Variants in GOLM2 observed in about 807,000 individuals in gnomAD.
The protein encoded by GOLM2 is protein GOLM2.
In GOLM2, 26 loss-of-function variants were observed where a neutral mutation model predicts 55.9. The ratio of observed to expected loss-of-function variants is 0.47; its 90% CI spans 0.34 to 0.65. GOLM2 has a LOEUF of 0.65. Ranked by LOEUF, GOLM2 falls within the 30% of genes least tolerant of loss-of-function variation. The probability of loss-of-function intolerance (pLI) is 0.01; values close to 1 mark genes in which losing one functional copy is unlikely to be tolerated. For missense variants in GOLM2, 486 were observed against 531.8 expected (o/e 0.91, Z 0.85); for synonymous variants, 165 against 194.6 (o/e 0.85, Z 1.27).
intron 6 of GOLM2, among the ~76,000 whole-genome samples, chr15:44,375,992 T>C (rs1239699377): frequency 6.6e-6 from 1 of 152,040 alleles, no homozygotes; most frequent in East Asian, 1.9e-4. Context: ...ATCCCAGCAC[T>C]TTGGGAGGCC....
chr15:44,407,278 T>A (rs1048522920), intron 9 of GOLM2, among the ~76,000 whole-genome samples: 4 of 148,010 alleles, frequency 2.7e-5, no homozygotes, highest in South Asian at 2.1e-4. Context: ...ATATATATAT[T>A]TTTTGGAGAC....
At chr15:44,361,327 G>C (rs2079236917) in intron 6 of GOLM2, among the ~76,000 whole-genome samples, 1 of 152,080 alleles carries the variant, frequency 6.6e-6, no homozygotes, top group South Asian at 2.1e-4. Flanking sequence ...AAAGAGAGAA[G>C]AATCAAATAG....
At chr15:44,351,350 G>A (rs2079161361) in intron 6 of GOLM2, among the ~76,000 whole-genome samples, 1 of 152,004 alleles carries the variant, frequency 6.6e-6, no homozygotes, top group Non-Finnish European at 1.5e-5. Flanking sequence ...GCCGAGTTGG[G>A]TGGATCACGA....
intron 6 of GOLM2, among the ~76,000 whole-genome samples, chr15:44,344,230 AG>A (rs1250686444): frequency 2.0e-5 from 3 of 151,004 alleles, no homozygotes; most frequent in African/African-American, 2.4e-5. Flanking sequence ...ACTGCACTCC[AG>A]CCTGGTGTCA....
intron 9 of GOLM2, among the ~76,000 whole-genome samples, chr15:44,408,499 A>G (rs2079612530): frequency 6.6e-6 from 1 of 152,200 alleles, no homozygotes; most frequent in Non-Finnish European, 1.5e-5. Context: ...GACTGCCTTC[A>G]TGTATATTAT....
chr15:44,389,741 G>A (rs1374178593), intron 8 of GOLM2, among the ~76,000 whole-genome samples: 1 of 152,114 alleles, frequency 6.6e-6, no homozygotes, highest in Non-Finnish European at 1.5e-5. Flanking sequence ...TACTGCATTA[G>A]CACGTTCATA....
chr15:44,297,617 A>G (rs866882591), intron 1 of GOLM2, among the ~76,000 whole-genome samples: 13 of 149,928 alleles, frequency 8.7e-5, no homozygotes, highest in Admixed American at 4.0e-4. Flanking sequence ...GCTGGAGTGC[A>G]GTGGTGTGAT....
intron 1 of GOLM2, among the ~76,000 whole-genome samples, chr15:44,304,499 C>G (rs1485548708): frequency 6.6e-6 from 1 of 152,104 alleles, no homozygotes; most frequent in Non-Finnish European, 1.5e-5. Flanking sequence ...TCCTCAGCCT[C>G]CCAAAGTGCT....
intron 6 of GOLM2, among the ~76,000 whole-genome samples, chr15:44,371,574 A>G (rs2079329701): frequency 2.0e-5 from 3 of 152,226 alleles, no homozygotes. Context: ...ATATACACAA[A>G]GCAAAGAAAG....
At chr15:44,361,129 TCA>T (rs1390171647) in intron 6 of GOLM2, among the ~76,000 whole-genome samples, 1 of 148,480 alleles carries the variant, frequency 6.7e-6, no homozygotes, top group Non-Finnish European at 1.5e-5. Context: ...CACCCTAACA[TCA>T]CAATTAAAAG....
intron 1 of GOLM2, among the ~76,000 whole-genome samples, chr15:44,303,356 C>T (rs980022160): frequency 6.6e-6 from 1 of 152,102 alleles, no homozygotes; most frequent in Admixed American, 6.6e-5. Context: ...TGTAAAACTA[C>T]TGCTTGTCAA....
chr15:44,412,702 T>C (rs2079646290), intron 9 of GOLM2, among the ~76,000 whole-genome samples: 1 of 152,140 alleles, frequency 6.6e-6, no homozygotes, highest in African/African-American at 2.4e-5. Context: ...ATATCATCTA[T>C]ATAGAAATAA....
rs543977485 is a variant in GOLM2 at position 44,352,058 on chromosome 15, T to C, written c.802+13741T>C. On this transcript the variant is annotated intron_variant, in intron 6 of 9. Coordinates refer to ENST00000299957, the MANE Select transcript of GOLM2 (RefSeq NM_138423.4). ...CAAAATATGACATTCTTCCCAGAAA[T>C]GGAAAAAACAATCCTAAAATTTATA... 2.7e-4 allele frequency among the ~76,000 whole-genome samples: 41 copies of C among 152,112 alleles called. No homozygotes were observed. The South Asian group carries it at 8.5e-3, about 32-fold the overall frequency.
intron 1 of GOLM2, among the ~76,000 whole-genome samples, chr15:44,321,346 C>T (rs893979385): frequency 6.6e-6 from 1 of 151,886 alleles, no homozygotes; most frequent in Admixed American, 6.6e-5. Context: ...GTGGCAAATG[C>T]CTGTAGTCCC....
At chr15:44,314,126 A>G (rs966636185) in intron 1 of GOLM2, among the ~76,000 whole-genome samples, 1 of 151,712 alleles carries the variant, frequency 6.6e-6, no homozygotes, top group African/African-American at 2.4e-5. Flanking sequence ...AGTCCCAGCT[A>G]CTTGGGAGGC....
intron 6 of GOLM2, among the ~76,000 whole-genome samples, chr15:44,371,170 A>C (rs1235671727): frequency 6.6e-6 from 1 of 152,022 alleles, no homozygotes; most frequent in Non-Finnish European, 1.5e-5. Flanking sequence ...AGCAGGCCAA[A>C]CTCTGATGAT....
chr15:44,370,335 G>C (rs1473019993), intron 6 of GOLM2, among the ~76,000 whole-genome samples: 1 of 152,198 alleles, frequency 6.6e-6, no homozygotes, highest in Admixed American at 6.5e-5. Context: ...GAGCAAGTTA[G>C]TTTTTATTTT....
intron 6 of GOLM2, among the ~76,000 whole-genome samples, chr15:44,351,336 G>T (rs1431710087): frequency 6.6e-6 from 1 of 151,984 alleles, no homozygotes; most frequent in East Asian, 1.9e-4. Context: ...CAGCACTTTG[G>T]GAGGCCGAGT....
intron 4 of GOLM2, among the ~76,000 whole-genome samples, chr15:44,337,049 A>G (rs564748115): frequency 6.6e-6 from 1 of 152,266 alleles, no homozygotes; most frequent in South Asian, 2.1e-4. Flanking sequence ...GCATTTATAG[A>G]TGCATTAAAT....
Sources: allele counts gnomAD v4.1 joint callset (sites outside exome capture counted in the v4.1 genomes callset), GRCh38; gene constraint gnomAD v4.1.1; transcripts MANE v1.5; gene names NCBI Gene and HGNC (gene_info 2026-07-23, HGNC 2026-07-21).